FAXC: variants seen among roughly 807,000 people sequenced by gnomAD.
FAXC encodes failed axon connections homolog, metaxin like GST domain containing.
FAXC carries 10 observed loss-of-function variants against 41.9 expected under a neutral mutation model. The ratio of observed to expected loss-of-function variants is 0.24; its 90% CI spans 0.15 to 0.41. FAXC has a LOEUF of 0.41. FAXC is among the 10% of genes least tolerant of loss of function. FAXC has a pLI of 1.00. For synonymous variants in FAXC, 183 were observed against 183.8 expected, an observed-to-expected ratio of 1.00 and a Z score of 0.03; for missense variants, 399 against 510.9, an observed-to-expected ratio of 0.78 and a Z score of 2.11.
chr6:99,328,107 A>G (rs78090674), intron 3 of FAXC, among the ~76,000 whole-genome samples: 3,051 of 152,194 alleles, frequency 0.02, 51 homozygotes, highest in Non-Finnish European at 0.031. Context: ...TAACCCCTCT[A>G]TGACCTGGCC....
chr6:99,329,112 G>A (rs1772934087), intron 3 of FAXC, among the ~76,000 whole-genome samples: 1 of 152,198 alleles, frequency 6.6e-6, no homozygotes, highest in African/African-American at 2.4e-5. Context: ...ATTAACTGAA[G>A]AGGACAGAGA....
At chr6:99,331,075 C>T (rs1242288782) in intron 3 of FAXC, among the ~76,000 whole-genome samples, 1 of 152,202 alleles carries the variant, frequency 6.6e-6, no homozygotes, top group Non-Finnish European at 1.5e-5. Flanking sequence ...CTACTAGGGA[C>T]TAAATAGAAC....
chr6:99,305,046 C>G (rs980633205), intron 4 of FAXC, among the ~76,000 whole-genome samples: 1 of 152,180 alleles, frequency 6.6e-6, no homozygotes, highest in Non-Finnish European at 1.5e-5. Context: ...CAGTGGACTT[C>G]AGGGAATAAG....
At position 99,272,144 on chromosome 6, in the gene FAXC, ATATGTGTG is replaced by A. The variant is rs1770423435; in HGVS notation, c.*9012_*9019del. 1 of 41,320 alleles carries A rather than the reference ATATGTGTG, an allele frequency of 2.4e-5. No homozygotes were observed. The highest frequency in any genetic ancestry group is 2.3e-4 in the Admixed American group (1 of 4,266). 2.6% of individuals were successfully genotyped at this position (41,320 alleles called of 1,614,324 possible). A position where few individuals can be genotyped will look rare whatever the true frequency, so the allele number is the denominator to read the frequency against. On this transcript the variant is annotated 3_prime_UTR_variant, in exon 6 of 6. Coordinates refer to ENST00000389677, the MANE Select transcript of FAXC (RefSeq NM_032511.4). ...AGAGGTATGAAAACTAATTGAGACT[ATATGTGTG>A]TGTGTGTGTGTGTGTGTGTGTGTGT...
At chr6:99,319,320 T>A (rs1772501173) in intron 4 of FAXC, among the ~76,000 whole-genome samples, 1 of 142,200 alleles carries the variant, frequency 7.0e-6, no homozygotes, top group Non-Finnish European at 1.5e-5. Context: ...AATGGCGTGA[T>A]CCCGCGAAGC....
chr6:99,302,514 GGCGT>G (rs1199595515), intron 4 of FAXC, among the ~76,000 whole-genome samples: 1 of 152,058 alleles, frequency 6.6e-6, no homozygotes, highest in African/African-American at 2.4e-5. Flanking sequence ...AAATTAGCTG[GGCGT>G]GGTGGCGCAT....
chr6:99,302,532 T>C (rs1478763855), intron 4 of FAXC, among the ~76,000 whole-genome samples: 1 of 152,150 alleles, frequency 6.6e-6, no homozygotes, highest in South Asian at 2.1e-4. Context: ...GGCGCATGCC[T>C]GTGGTCCCAG....
chr6:99,290,101 C>CACACACACA (rs1771176240), intron 5 of FAXC, among the ~76,000 whole-genome samples: 1 of 142,480 alleles, frequency 7.0e-6, no homozygotes, highest in African/African-American at 2.7e-5. Flanking sequence ...CCCTACCCCA[C>CACACACACA]CACACACACA....
At chr6:99,296,643 G>C (rs1006359456) in intron 4 of FAXC, among the ~76,000 whole-genome samples, 11 of 152,170 alleles carry the variant, frequency 7.2e-5, no homozygotes, top group Non-Finnish European at 1.6e-4. Context: ...ATGAGGGTGA[G>C]TCCACATCCT....
At chr6:99,319,831 T>C (rs1772525923) in intron 4 of FAXC, among the ~76,000 whole-genome samples, 1 of 152,266 alleles carries the variant, frequency 6.6e-6, no homozygotes, top group African/African-American at 2.4e-5. Context: ...TTATTTGAGA[T>C]ACTCAAGAAA....
rs1004096097 is a variant in FAXC, at chr6:99,272,844, C to T, written c.*8320G>A. The stretch of plus-strand genomic sequence containing the variant: ...TAGATGCAAACATTTCAGATTTTCC[C>T]CATGAGCCTGAAGTTTAAACATTCA... On this transcript the variant is annotated 3_prime_UTR_variant, in exon 6 of 6. Coordinates refer to ENST00000389677, the MANE Select transcript of FAXC (RefSeq NM_032511.4). The T allele has an allele frequency of 6.6e-6, 1 of 152,150 alleles. No individual in the cohort carries two copies. Among genetic ancestry groups the T allele is most frequent in the African/African-American group, 2.4e-5 (1 of 41,434 alleles). The allele number at this position is 152,150 out of a possible 1,614,324, so 9.4% of individuals were successfully genotyped here. A position where few individuals can be genotyped will look rare whatever the true frequency, so the allele number is the denominator to read the frequency against.
intron 5 of FAXC, among the ~76,000 whole-genome samples, chr6:99,284,711 G>C (rs948902455): frequency 2.0e-5 from 3 of 152,020 alleles, no homozygotes; most frequent in African/African-American, 7.2e-5. Flanking sequence ...CCAGGAGTTC[G>C]ATACCAGCCT....
chr6:99,292,555 A>T (rs1481644467), intron 4 of FAXC, among the ~76,000 whole-genome samples: 1 of 152,172 alleles, frequency 6.6e-6, no homozygotes, highest in Non-Finnish European at 1.5e-5. Flanking sequence ...GTTAGACACT[A>T]CTGCATATGG....
intron 2 of FAXC, among the ~76,000 whole-genome samples, chr6:99,337,618 G>A (rs949737528): frequency 6.6e-6 from 1 of 152,216 alleles, no homozygotes; most frequent in East Asian, 1.9e-4. Flanking sequence ...ATGCAGTAAA[G>A]CTATTTTTGT....
rs1419485379 is a variant in FAXC, at chr6:99,276,418, A to T, written c.*4746T>A. On this transcript the variant is annotated 3_prime_UTR_variant, in exon 6 of 6. Coordinates refer to ENST00000389677, the MANE Select transcript of FAXC (RefSeq NM_032511.4). Reference sequence around the variant, plus strand: ...CTGAAAGGAAGCGCACTTGGCCCTGAACTCATTTTGATAAATCAATTTTGG... The same window carrying T: ...CTGAAAGGAAGCGCACTTGGCCCTGTACTCATTTTGATAAATCAATTTTGG... 1 of 152,208 alleles carries T rather than the reference A, an allele frequency of 6.6e-6. No homozygotes were observed. The highest frequency in any genetic ancestry group is 1.5e-5 in the Non-Finnish European group (1 of 68,028). 9.4% of individuals were successfully genotyped at this position (152,208 alleles called of 1,614,324 possible). A position where few individuals can be genotyped will look rare whatever the true frequency, so the allele number is the denominator to read the frequency against.
intron 4 of FAXC, among the ~76,000 whole-genome samples, chr6:99,321,451 T>C (rs1226612525): frequency 2.0e-5 from 3 of 152,326 alleles, no homozygotes; most frequent in Middle Eastern, 3.4e-3. Context: ...TTGCCTCATT[T>C]AGTAAGACAA....
chr6:99,302,473 T>C (rs372255432), intron 4 of FAXC, among the ~76,000 whole-genome samples: 5 of 152,214 alleles, frequency 3.3e-5, no homozygotes, highest in African/African-American at 9.6e-5. Flanking sequence ...CTGGCCAACA[T>C]GGTGAAACCC....
rs748610778 is a variant in FAXC, at chr6:99,318,304, C to CAAAAAAAAAA, written c.823+5139_823+5140insTTTTTTTTTT. On this transcript the variant is annotated intron_variant, in intron 4 of 5. Transcript: ENST00000389677. ...ACACACACACACACACACACACACA[C>CAAAAAAAAAA]ACAAAATAGAAGAAATGGAAAATAT... Among the ~76,000 whole-genome samples, 12 of 104,138 alleles carry CAAAAAAAAAA rather than the reference C, an allele frequency of 1.2e-4. No individual in the cohort carries two copies. In the East Asian group the frequency reaches 2.7e-3, roughly 24 times the overall value. The allele number at this position is 104,138 out of a possible 152,430, so 68.3% of individuals were successfully genotyped here.
chr6:99,294,704 C>T (rs1009234371), intron 4 of FAXC, among the ~76,000 whole-genome samples: 1 of 152,044 alleles, frequency 6.6e-6, no homozygotes, highest in African/African-American at 2.4e-5. Flanking sequence ...GAGTCAAGTC[C>T]ATAAATTTTG....
Sources: allele counts gnomAD v4.1 joint callset (sites outside exome capture counted in the v4.1 genomes callset), GRCh38; gene constraint gnomAD v4.1.1; transcripts MANE v1.5; gene names NCBI Gene and HGNC (gene_info 2026-07-23, HGNC 2026-07-21).